WWOX: variants seen among roughly 807,000 people sequenced by gnomAD.
The protein encoded by WWOX is WW domain-containing oxidoreductase.
Under a neutral mutation model 46.2 loss-of-function variants are expected in WWOX, and 69 were observed. The observed-to-expected ratio is 1.49, with a 90% confidence interval of 1.23 to 1.82. The LOEUF (loss-of-function observed/expected upper bound fraction) is 1.82, where lower values mean the gene tolerates loss of function less well. Among genes scored for constraint, WWOX ranks in the 40% most tolerant of loss-of-function variants. WWOX has a pLI of 0.00. For synonymous variants in WWOX, 359 were observed against 202.6 expected, an observed-to-expected ratio of 1.77 and a Z score of -6.56; for missense variants, 919 against 542.6, an observed-to-expected ratio of 1.69 and a Z score of -6.89.
At chr16:78,775,243 A>G (rs954048951) in intron 8 of WWOX, among the ~76,000 whole-genome samples, 5 of 152,190 alleles carry the variant, frequency 3.3e-5, no homozygotes, top group East Asian at 1.9e-4. Context: ...AGCCCGGCCA[A>G]TAATATCACA....
At chr16:78,541,595 T>C (rs973563663) in intron 8 of WWOX, among the ~76,000 whole-genome samples, 4 of 151,778 alleles carry the variant, frequency 2.6e-5, no homozygotes, top group Non-Finnish European at 4.4e-5. Context: ...AATTTAATTG[T>C]TTATAGTTAA....
intron 8 of WWOX, among the ~76,000 whole-genome samples, chr16:78,844,560 A>C (rs1048993098): frequency 2.6e-5 from 4 of 152,184 alleles, no homozygotes; most frequent in Non-Finnish European, 5.9e-5. Context: ...ATAGGTGTAC[A>C]AAAGGGAAAA....
At chr16:78,721,457 G>C (rs2048687554) in intron 8 of WWOX, among the ~76,000 whole-genome samples, 1 of 152,194 alleles carries the variant, frequency 6.6e-6, no homozygotes, top group African/African-American at 2.4e-5. Context: ...CAGACAAAGT[G>C]TTCTCTAAAG....
chr16:78,623,420 C>T (rs754509115), intron 8 of WWOX, among the ~76,000 whole-genome samples: 1 of 152,126 alleles, frequency 6.6e-6, no homozygotes, highest in African/African-American at 2.4e-5. Flanking sequence ...TGGCTCATGC[C>T]TGTCATTCCA....
At chr16:78,799,239 C>G (rs2050822195) in intron 8 of WWOX, among the ~76,000 whole-genome samples, 1 of 152,116 alleles carries the variant, frequency 6.6e-6, no homozygotes, top group African/African-American at 2.4e-5. Context: ...TGGAGTTAGG[C>G]TTGTGTCTTG....
chr16:78,982,126 C>T (rs975349523), intron 8 of WWOX, among the ~76,000 whole-genome samples: 1 of 152,074 alleles, frequency 6.6e-6, no homozygotes, highest in Non-Finnish European at 1.5e-5. Flanking sequence ...TGTATTCCTT[C>T]TCCTTCATTG....
intron 1 of WWOX, among the ~76,000 whole-genome samples, chr16:78,102,174 G>C (rs900600094): frequency 6.6e-6 from 1 of 152,148 alleles, no homozygotes; most frequent in Non-Finnish European, 1.5e-5. Flanking sequence ...CCCTCCCGAA[G>C]CACTGGAATC....
chr16:78,372,243 G>A (rs1013136451), intron 5 of WWOX, among the ~76,000 whole-genome samples: 13 of 152,134 alleles, frequency 8.5e-5, no homozygotes, highest in African/African-American at 3.1e-4. Flanking sequence ...TCCAAAGGCA[G>A]AGTCTCAAAA....
chr16:79,184,004 G>C (rs958389773), intron 8 of WWOX, among the ~76,000 whole-genome samples: 1 of 152,192 alleles, frequency 6.6e-6, no homozygotes, highest in African/African-American at 2.4e-5. Flanking sequence ...CCTCACCTCT[G>C]TGACTGCATC....
chr16:78,548,947 A>G (rs192591237), intron 8 of WWOX, among the ~76,000 whole-genome samples: 1 of 152,192 alleles, frequency 6.6e-6, no homozygotes, highest in Non-Finnish European at 1.5e-5. Context: ...TGCCCCCCAA[A>G]TATAGCCCCA....
chr16:78,801,787 C>T (rs1425223680), intron 8 of WWOX, among the ~76,000 whole-genome samples: 3 of 152,084 alleles, frequency 2.0e-5, no homozygotes, highest in Non-Finnish European at 4.4e-5. Context: ...GACAAAGGGA[C>T]ATTTCATTTT....
At chr16:78,312,112 C>T (rs4076024) in intron 5 of WWOX, among the ~76,000 whole-genome samples, 85,858 of 152,004 alleles carry the variant, frequency 0.56, 24,959 homozygotes, top group East Asian at 0.87. Flanking sequence ...CCTCCTCTTA[C>T]TTTTAAGGAC....
At chr16:79,015,148 A>T (rs569221792) in intron 8 of WWOX, among the ~76,000 whole-genome samples, 2 of 152,146 alleles carry the variant, frequency 1.3e-5, no homozygotes, top group Non-Finnish European at 2.9e-5. Context: ...ATTGGGTTGG[A>T]GTACTTCTCC....
intron 4 of WWOX, among the ~76,000 whole-genome samples, chr16:78,148,085 A>G (rs963550429): frequency 3.3e-5 from 5 of 152,124 alleles, no homozygotes; most frequent in African/African-American, 1.2e-4. Context: ...AAACAATGAG[A>G]CACGTTCAGT....
intron 8 of WWOX, among the ~76,000 whole-genome samples, chr16:79,198,170 AAAAC>A (rs2051277402): frequency 6.7e-6 from 1 of 149,248 alleles, no homozygotes. Flanking sequence ...ACTAAAAAAA[AAAAC>A]AAAAACCACA....
chr16:78,303,033 G>A (rs930920012), intron 5 of WWOX, among the ~76,000 whole-genome samples: 1 of 152,200 alleles, frequency 6.6e-6, no homozygotes, highest in African/African-American at 2.4e-5. Flanking sequence ...TGGGAAGATA[G>A]ATGCTCTTAT....
chr16:78,594,225 G>T (rs1001184607), intron 8 of WWOX, among the ~76,000 whole-genome samples: 1 of 151,932 alleles, frequency 6.6e-6, no homozygotes, highest in African/African-American at 2.4e-5. Context: ...AAACCTATGT[G>T]TATGTGTTTG....
chr16:78,900,290 G>C (rs1328009790), intron 8 of WWOX, among the ~76,000 whole-genome samples: 1 of 151,888 alleles, frequency 6.6e-6, no homozygotes, highest in South Asian at 2.1e-4. Context: ...TTCCAGCCTG[G>C]TTTCTCCATA....
chr16:78,967,256 T>C (rs1293948515), intron 8 of WWOX, among the ~76,000 whole-genome samples: 3 of 145,802 alleles, frequency 2.1e-5, no homozygotes, highest in Non-Finnish European at 4.5e-5. Context: ...CCCAAACAAC[T>C]GGGAGGCAAC....
Sources: allele counts gnomAD v4.1 joint callset (sites outside exome capture counted in the v4.1 genomes callset), GRCh38; gene constraint gnomAD v4.1.1; transcripts MANE v1.5; gene names NCBI Gene and HGNC (gene_info 2026-07-23, HGNC 2026-07-21).